Variants in AP3B2 observed in about 807,000 individuals in gnomAD.
AP3B2 encodes the protein AP-3 complex subunit beta-2.
A neutral mutation model predicts 126.9 loss-of-function variants in AP3B2; 50 were observed. That is an observed-to-expected ratio of 0.39 (90% CI 0.31 to 0.50). The LOEUF is 0.50. AP3B2 is among the 20% of genes least tolerant of loss of function. The probability of loss-of-function intolerance (pLI) is 0.79; values close to 1 mark genes in which losing one functional copy is unlikely to be tolerated. For synonymous variants in AP3B2, 541 were observed against 565.0 expected (o/e 0.96, Z 0.60); for missense variants, 1,177 against 1,426.4 (o/e 0.83, Z 2.82).
chr15:82,706,591 A>C (rs2048798903), intron 1 of AP3B2, among the ~76,000 whole-genome samples: 2 of 152,156 alleles, frequency 1.3e-5, no homozygotes, highest in Admixed American at 6.5e-5. Context: ...CCTCATGGCC[A>C]GTTTTTCTCC....
intron 1 of AP3B2, among the ~76,000 whole-genome samples, chr15:82,691,181 C>T (rs970607968): frequency 1.3e-5 from 2 of 152,196 alleles, no homozygotes; most frequent in Non-Finnish European, 2.9e-5. Context: ...TGAGGAATCG[C>T]CACACTGTCT....
intron 1 of AP3B2, among the ~76,000 whole-genome samples, chr15:82,696,694 T>C (rs956970882): frequency 6.6e-6 from 1 of 152,234 alleles, no homozygotes; most frequent in Non-Finnish European, 1.5e-5. Context: ...GACACAGCCC[T>C]GAGCTGTTGC....
At chr15:82,671,101 A>G (rs6422424) in intron 14 of AP3B2, among the ~76,000 whole-genome samples, 115,141 of 151,992 alleles carry the variant, frequency 0.76, 43,868 homozygotes, top group African/African-American at 0.84. Context: ...TGACCAACAC[A>G]GCGAAACCCC....
chr15:82,689,057 G>T (rs939979936), intron 3 of AP3B2, 101 bp downstream of exon 3: 2 of 1,346,728 alleles, frequency 1.5e-6, no homozygotes, highest in Non-Finnish European at 2.1e-6. Context: ...TTCTCAGCAG[G>T]TCGGGCCCCC....
intron 1 of AP3B2, among the ~76,000 whole-genome samples, chr15:82,707,770 A>G (rs1055628898): frequency 2.6e-5 from 4 of 152,166 alleles, no homozygotes; most frequent in African/African-American, 9.7e-5. Flanking sequence ...AACCGTATCC[A>G]GGCCATCACC....
At position 82,666,737 on chromosome 15, in the gene AP3B2, C is replaced by T. The variant is rs920729726; in HGVS notation, c.1852+10G>A. 1 of 1,611,558 alleles carries T rather than the reference C, an allele frequency of 6.2e-7. No homozygotes were observed. The stretch of plus-strand genomic sequence containing the variant: ...CCCCTAGGAAGGTTACCCTTGATTT[C>T]AGCTCCCACCTTTGAAGGATGACTC... On this transcript the variant is annotated intron_variant, in intron 15 of 26. Coordinates refer to ENST00000535359, the MANE Select transcript of AP3B2 (RefSeq NM_001278512.2).
At chr15:82,661,159 T>C (rs935315047) in intron 25 of AP3B2, among the ~76,000 whole-genome samples, 5 of 152,290 alleles carry the variant, frequency 3.3e-5, no homozygotes, top group African/African-American at 1.2e-4. Flanking sequence ...TCCTTGGCCT[T>C]CCTATTTTCT....
At chr15:82,661,576 C>T (rs929747198) in intron 25 of AP3B2, among the ~76,000 whole-genome samples, 1 of 152,194 alleles carries the variant, frequency 6.6e-6, no homozygotes, top group African/African-American at 2.4e-5. Flanking sequence ...TCTTGGAACA[C>T]AGCCATACTC....
At chr15:82,666,976 G>A (rs1027823584) in intron 14 of AP3B2, 43 bp from the exon 15 acceptor site, 24 of 1,566,744 alleles carry the variant, frequency 1.5e-5, no homozygotes, top group Non-Finnish European at 2.0e-5. Context: ...GGGGGGATGG[G>A]GACACAGGAG....
chr15:82,663,304 C>T, intron 21 of AP3B2, 71 bp from the exon 22 acceptor site: 1 of 1,252,744 alleles, frequency 8.0e-7, no homozygotes. Flanking sequence ...GCCTAGGGAT[C>T]AAGGAGCACG....
intron 1 of AP3B2, among the ~76,000 whole-genome samples, chr15:82,698,892 C>T (rs1195868297): frequency 6.6e-6 from 1 of 152,162 alleles, no homozygotes; most frequent in Non-Finnish European, 1.5e-5. Context: ...GGGCCTAAAG[C>T]AGCCAGCACA....
chr15:82,679,570 C>T (rs2048297681), intron 10 of AP3B2, among the ~76,000 whole-genome samples, 159 bp downstream of exon 10: 3 of 152,168 alleles, frequency 2.0e-5, no homozygotes, highest in Admixed American at 1.3e-4. Context: ...CCCTCCTTAG[C>T]CCAGCTCCCT....
chr15:82,670,116 G>GGC (rs1555465712), intron 14 of AP3B2, among the ~76,000 whole-genome samples: 1 of 123,490 alleles, frequency 8.1e-6, no homozygotes, highest in Non-Finnish European at 1.8e-5. Flanking sequence ...TTTTTTTGGC[G>GGC]GGGGGGGACG....
intron 21 of AP3B2, 38 bp from the exon 22 acceptor site, chr15:82,663,271 A>C (rs1216595396): frequency 6.5e-7 from 1 of 1,533,194 alleles, no homozygotes; most frequent in Admixed American, 1.8e-5. Flanking sequence ...GGCAAAGTGG[A>C]GGTGGCTTGG....
At chr15:82,705,681 T>C (rs1256042748) in intron 1 of AP3B2, among the ~76,000 whole-genome samples, 1 of 152,158 alleles carries the variant, frequency 6.6e-6, no homozygotes, top group Non-Finnish European at 1.5e-5. Context: ...ATCCATTACC[T>C]ATCTTGGCAT....
chr15:82,666,659 C>T, intron 15 of AP3B2, 88 bp downstream of exon 15: 1 of 1,436,176 alleles, frequency 7.0e-7, no homozygotes, highest in Non-Finnish European at 9.4e-7. Context: ...TGGTGCCTGG[C>T]TAGGGGCCTC....
rs1596183146 is a variant in AP3B2 at position 82,681,357 on chromosome 15, A to C, written c.521+63T>G. The C allele has an allele frequency of 3.0e-5, 48 of 1,594,548 alleles. No homozygotes were observed. Among genetic ancestry groups the C allele is most frequent in the Non-Finnish European group, 4.0e-5 (47 of 1,168,854 alleles). On this transcript the variant is annotated intron_variant, in intron 5 of 26. Transcript: ENST00000535359. This position sits in a 1 kb window ranked among gnomAD's most constrained non-coding sequence, Gnocchi z 4.0. ...CAGCAGGCAAGACTTAGGAAAGGCC[A>C]GGGGTGGGTTGAGAACTTAGGAACC...
chr15:82,670,529 C>T (rs908952103), intron 14 of AP3B2, among the ~76,000 whole-genome samples: 2 of 152,202 alleles, frequency 1.3e-5, no homozygotes, highest in Non-Finnish European at 2.9e-5. Flanking sequence ...AGACCCCTAT[C>T]TCTCACCATA....
Position 82,681,335 on chromosome 15 carries a change from C to G in AP3B2, c.521+85G>C, listed in dbSNP as rs1411739103. Reference sequence around the variant, plus strand: ...CCTCCTCAAACCCTCTGAGAAGCAGCAGGCAAGACTTAGGAAAGGCCAGGG... The same window carrying G: ...CCTCCTCAAACCCTCTGAGAAGCAGGAGGCAAGACTTAGGAAAGGCCAGGG... On this transcript the variant is annotated intron_variant, in intron 5 of 26. Transcript: ENST00000535359. This position sits in a 1 kb window ranked among gnomAD's most constrained non-coding sequence, Gnocchi z 4.0. 1 of 1,570,054 alleles carries G rather than the reference C, an allele frequency of 6.4e-7. No homozygotes were observed. Among genetic ancestry groups the G allele is most frequent in the Non-Finnish European group, 8.7e-7 (1 of 1,153,420 alleles).
Sources: allele counts gnomAD v4.1 joint callset (sites outside exome capture counted in the v4.1 genomes callset), GRCh38; gene constraint gnomAD v4.1.1; non-coding constraint Gnocchi (gnomAD v3.1); transcripts MANE v1.5; gene names NCBI Gene and HGNC (gene_info 2026-07-23, HGNC 2026-07-21).